Variants in MPDZ observed in about 807,000 individuals in gnomAD.
The protein encoded by MPDZ is multiple PDZ domain crumbs cell polarity complex component, also known as multiple PDZ domain protein.
MPDZ carries 234 observed loss-of-function variants against 239.1 expected under a neutral mutation model. The ratio of observed to expected loss-of-function variants is 0.98; its 90% CI spans 0.88 to 1.09. MPDZ has a LOEUF of 1.09. Ranked by LOEUF, MPDZ falls within the 50% of genes least tolerant of loss-of-function variation. MPDZ has a pLI of 0.00. For synonymous variants in MPDZ, 1,048 were observed against 881.3 expected (o/e 1.19, Z -3.35); for missense variants, 3,175 against 2,510.0 (o/e 1.26, Z -5.66).
At position 13,193,200 on chromosome 9, in the gene MPDZ, G is replaced by C. The variant is rs559586362; in HGVS notation, c.1770C>G (p.Ser590Arg). Reference sequence around the variant, plus strand: ...GCTCGTCTCCACTGAAGAGCTTCCCGCTGTGTCCAACAGGACCCTCTGGTA... The same window carrying C: ...GCTCGTCTCCACTGAAGAGCTTCCCCCTGTGTCCAACAGGACCCTCTGGTA... ...SVLPEGPVGH[S>R]GKLFSGDELL... is the part of the protein sequence containing the mutation. Residue 590 changes from serine to arginine, a missense_variant, in exon 14 of 47, where the codon AGC becomes AGG. Coordinates refer to ENST00000319217, the MANE Select transcript of MPDZ (RefSeq NM_001378778.1). 1 of 1,599,822 alleles carries C rather than the reference G, an allele frequency of 6.3e-7. No individual in the cohort carries two copies. Among genetic ancestry groups the C allele is most frequent in the Admixed American group, 1.7e-5 (1 of 59,412 alleles).
At chr9:13,201,623 C>T (rs922483492) in intron 12 of MPDZ, among the ~76,000 whole-genome samples, 4 of 151,772 alleles carry the variant, frequency 2.6e-5, no homozygotes, top group African/African-American at 4.8e-5. Context: ...ATTCTTTTTT[C>T]TTTCTGCTCC....
intron 3 of MPDZ, among the ~76,000 whole-genome samples, chr9:13,237,120 A>G (rs551751542): frequency 6.6e-6 from 1 of 152,160 alleles, no homozygotes; most frequent in African/African-American, 2.4e-5. Context: ...GACCCTCAAG[A>G]ACATGTGTTT....
At chr9:13,177,930 G>A (rs1028548621) in intron 19 of MPDZ, among the ~76,000 whole-genome samples, 5 of 152,108 alleles carry the variant, frequency 3.3e-5, no homozygotes, top group Non-Finnish European at 5.9e-5. Context: ...TATTCACTAT[G>A]AACCACTAGA....
chr9:13,160,221 G>C (rs1458681042), intron 23 of MPDZ, among the ~76,000 whole-genome samples: 1 of 152,148 alleles, frequency 6.6e-6, no homozygotes, highest in African/African-American at 2.4e-5. Flanking sequence ...GTAAGAACAT[G>C]GAGTATGCTT....
rs1039018787 is a variant in MPDZ at position 13,185,894 on chromosome 9, C to T, written c.2481+376G>A. 2.0e-5 allele frequency among the ~76,000 whole-genome samples: 3 copies of T among 152,098 alleles called. No individual in the cohort carries two copies. The South Asian group carries it at 6.2e-4, about 32-fold the overall frequency. On this transcript the variant is annotated intron_variant, in intron 18 of 46. Transcript: ENST00000319217. Reference sequence around the variant, plus strand: ...ATTAATATCTAATGGAAAAAAGATACCTATTACCTCATTAAATACAGCCAA... The same window carrying T: ...ATTAATATCTAATGGAAAAAAGATATCTATTACCTCATTAAATACAGCCAA...
intron 19 of MPDZ, among the ~76,000 whole-genome samples, chr9:13,182,281 T>C (rs1953447490): frequency 2.0e-5 from 3 of 152,194 alleles, no homozygotes; most frequent in Non-Finnish European, 2.9e-5. Context: ...ATTTCCAATA[T>C]AGAAAAATAA....
intron 10 of MPDZ, among the ~76,000 whole-genome samples, chr9:13,206,554 ATT>A (rs576650722): frequency 7.2e-6 from 1 of 138,890 alleles, no homozygotes; most frequent in Non-Finnish European, 1.6e-5. Flanking sequence ...ACACGTGGCT[ATT>A]TTTTTTTTTT....
At chr9:13,128,096 A>C (rs1945384358) in intron 32 of MPDZ, among the ~76,000 whole-genome samples, 1 of 151,942 alleles carries the variant, frequency 6.6e-6, no homozygotes, top group Non-Finnish European at 1.5e-5. Context: ...CTCCACCTCC[A>C]TATTCTCTCT....
chr9:13,253,851 T>A (rs1338315055), intron 1 of MPDZ, among the ~76,000 whole-genome samples: 2 of 152,146 alleles, frequency 1.3e-5, no homozygotes, highest in African/African-American at 4.8e-5. Context: ...ACAGCACCTA[T>A]CACATGCTAG....
chr9:13,206,665 T>A (rs1957036771), intron 10 of MPDZ, among the ~76,000 whole-genome samples: 2 of 151,746 alleles, frequency 1.3e-5, no homozygotes, highest in Non-Finnish European at 2.9e-5. Context: ...TGCCTCAGCC[T>A]CCCGAATAGC....
At chr9:13,195,988 T>C (rs570297126) in intron 13 of MPDZ, 133 bp downstream of exon 13, 8 of 577,578 alleles carry the variant, frequency 1.4e-5, no homozygotes, top group Admixed American at 3.3e-5. Context: ...GATCACCATA[T>C]TTAGGTTGTC....
intron 19 of MPDZ, among the ~76,000 whole-genome samples, chr9:13,178,705 C>G (rs556547113): frequency 2.6e-5 from 4 of 152,242 alleles, no homozygotes; most frequent in African/African-American, 9.6e-5. Flanking sequence ...AATAGACATT[C>G]TTCTTGTCAT....
At chr9:13,179,999 A>G (rs1953066528) in intron 19 of MPDZ, among the ~76,000 whole-genome samples, 1 of 152,102 alleles carries the variant, frequency 6.6e-6, no homozygotes, top group Non-Finnish European at 1.5e-5. Flanking sequence ...GATAAGGTAC[A>G]CTTCCTTTAT....
chr9:13,168,695 C>G, intron 21 of MPDZ, 131 bp from the exon 22 acceptor site: 1 of 721,478 alleles, frequency 1.4e-6, no homozygotes, highest in Non-Finnish European at 2.1e-6. Flanking sequence ...AAAAGCATAG[C>G]AAAAACAGGA....
intron 24 of MPDZ, among the ~76,000 whole-genome samples, chr9:13,156,991 T>C (rs1949909158): frequency 6.6e-6 from 1 of 152,172 alleles, no homozygotes; most frequent in Non-Finnish European, 1.5e-5. Context: ...AAATTCATGT[T>C]AGATGGCTGG....
At position 13,257,476 on chromosome 9, in the gene MPDZ, A is replaced by G. The variant is rs184368088; in HGVS notation, c.-57-7104T>C. ...CATATTTTCCAAACTGTCTCACAAAAATCACACGGTGAAAATATATTGTCA... is the reference window on the plus strand; with the variant it reads ...CATATTTTCCAAACTGTCTCACAAAGATCACACGGTGAAAATATATTGTCA... On this transcript the variant is annotated intron_variant, in intron 1 of 46. Transcript: ENST00000319217. Among the ~76,000 whole-genome samples the G allele has an allele frequency of 1.1e-3, 165 of 152,310 alleles. 1 individual carries two copies. The highest frequency in any genetic ancestry group is 2.0e-3 in the Non-Finnish European group (137 of 68,030).
In MPDZ at chr9:13,108,928, A is replaced by C; in HGVS notation, c.6066+8T>G. The C allele has an allele frequency of 2.5e-6, 4 of 1,609,810 alleles. No individual in the cohort carries two copies. The highest frequency in any genetic ancestry group is 3.4e-6 in the Non-Finnish European group (4 of 1,177,532). ...GGAAAAGAGGGTGGTTAAAATTTGC[A>C]AGCTTACCTTTGCAAACACTGTTTT... is the stretch of plus-strand genomic sequence containing the variant. On this transcript the variant is annotated splice_region_variant and intron_variant, in intron 46 of 46. Transcript: ENST00000319217.
intron 23 of MPDZ, among the ~76,000 whole-genome samples, chr9:13,159,906 A>C (rs2133480568): frequency 6.6e-6 from 1 of 152,254 alleles, no homozygotes; most frequent in Middle Eastern, 3.4e-3. Flanking sequence ...CACTCAGCCA[A>C]GAAAGAAGTC....
intron 1 of MPDZ, among the ~76,000 whole-genome samples, chr9:13,262,351 G>A (rs2138794061): frequency 6.6e-6 from 1 of 152,198 alleles, no homozygotes; most frequent in East Asian, 1.9e-4. Flanking sequence ...TCAGGAGGCT[G>A]AAGTGGGAGG....
Sources: allele counts gnomAD v4.1 joint callset (sites outside exome capture counted in the v4.1 genomes callset), GRCh38; gene constraint gnomAD v4.1.1; transcripts MANE v1.5; gene names NCBI Gene and HGNC (gene_info 2026-07-23, HGNC 2026-07-21).